The following CXorf38 variants were observed in gnomAD, a reference collection of about 807,000 sequenced individuals.
The protein encoded by CXorf38 is chromosome X open reading frame 38.
CXorf38 carries 13 observed loss-of-function variants against 27.5 expected under a neutral mutation model. That is an observed-to-expected ratio of 0.47 (90% CI 0.31 to 0.75). The LOEUF (loss-of-function observed/expected upper bound fraction) is 0.75, where lower values mean the gene tolerates loss of function less well. Among genes scored for constraint, CXorf38 ranks in the 30% least tolerant of loss-of-function variants. The pLI is 0.05. For synonymous variants in CXorf38, 100 were observed against 99.8 expected, an observed-to-expected ratio of 1.00 and a Z score of -0.01; for missense variants, 240 against 253.2, an observed-to-expected ratio of 0.95 and a Z score of 0.35.
chrX:40,645,686 G>A (rs984201531), intron 2 of CXorf38, among the ~76,000 whole-genome samples: 23 of 110,620 alleles, frequency 2.1e-4, no homozygotes, highest in Admixed American at 1.9e-3. Context: ...GTGTGATCAC[G>A]GCTCACTGCA....
chrX:40,637,635 T>C (rs1928136823), intron 3 of CXorf38, among the ~76,000 whole-genome samples: 1 of 112,347 alleles, frequency 8.9e-6, no homozygotes, highest in African/African-American at 3.2e-5. Flanking sequence ...TTCTGATTTT[T>C]CATGAGAAAC....
chrX:40,640,169 T>TAAA, intron 2 of CXorf38: 2 of 254,302 alleles, frequency 7.9e-6, no homozygotes, highest in East Asian at 1.2e-4. Flanking sequence ...CCATCTCTAT[T>TAAA]AAAAAAAAAA....
At chrX:40,639,216 G>C (rs1602424724) in intron 2 of CXorf38, 88 bp from the exon 3 acceptor site, 1 of 990,285 alleles carries the variant, frequency 1.0e-6, no homozygotes, top group East Asian at 3.1e-5. Context: ...TTTTCCAAAT[G>C]ATGACTGAAG....
rs182269011 is a variant in CXorf38, at chrX:40,641,973, C to G, written c.352-2845G>C. Among the ~76,000 whole-genome samples, 419 of 111,398 alleles carry G rather than the reference C, an allele frequency of 3.8e-3. 3 individuals are homozygous for G. Among genetic ancestry groups the G allele is most frequent in the African/African-American group, 0.013 (408 of 30,663 alleles). On this transcript the variant is annotated intron_variant, in intron 2 of 6. Coordinates refer to ENST00000327877, the MANE Select transcript of CXorf38 (RefSeq NM_144970.3). Reference sequence around the variant, plus strand: ...GGTGTGGGGTTTATTCTAAGGCCATCAGGAAGCCATCCAAGGGTTTTAGGC... The same window carrying G: ...GGTGTGGGGTTTATTCTAAGGCCATGAGGAAGCCATCCAAGGGTTTTAGGC...
Position 40,637,082 on chromosome X carries a change from C to T in CXorf38, c.546G>A (p.Gln182=). 1 of 1,204,770 alleles carries T rather than the reference C, an allele frequency of 8.3e-7. No homozygotes were observed. The highest frequency in any genetic ancestry group is 1.7e-5 in the African/African-American group (1 of 57,631). Residue 182 remains glutamine (Q), a synonymous_variant, in exon 4 of 7, where the codon CAG becomes CAA. Coordinates refer to ENST00000327877, the MANE Select transcript of CXorf38 (RefSeq NM_144970.3). Reference sequence around the variant, plus strand: ...CATTCAGAAAATTTTGGATCTTCATCTGAAAATCTCGAAGCCACGTAGAAG... The same window carrying T: ...CATTCAGAAAATTTTGGATCTTCATTTGAAAATCTCGAAGCCACGTAGAAG... The part of the protein sequence containing the change: ...KVSSTWLRDF[Q]MKIQNFLNEF...
Position 40,639,260 on chromosome X carries a change from T to G in CXorf38, c.352-132A>C, listed in dbSNP as rs1316936855. 5 of 672,780 alleles carry G rather than the reference T, an allele frequency of 7.4e-6. No individual in the cohort carries two copies. The Admixed American group carries it at 1.0e-4, about 14-fold the overall frequency. The allele number at this position is 672,780 out of a possible 1,213,427, so 55.4% of individuals were successfully genotyped here. ...TGCACTGAGGTTTCAACTTAAAGCC[T>G]CATGAGCCCAAAATGCAAGTAGGGA... On this transcript the variant is annotated intron_variant, in intron 2 of 6. Transcript: ENST00000327877.
chrX:40,632,223 C>T (rs1271188598), intron 5 of CXorf38, among the ~76,000 whole-genome samples: 1 of 111,732 alleles, frequency 8.9e-6, no homozygotes, highest in East Asian at 2.8e-4. Context: ...CACGCATGAT[C>T]ACAGATGGAC....
chrX:40,646,447 C>G (rs1928581005), intron 2 of CXorf38, among the ~76,000 whole-genome samples: 1 of 110,563 alleles, frequency 9.0e-6, no homozygotes, highest in Non-Finnish European at 1.9e-5. Context: ...CCTCTCCGTC[C>G]CTTACTGGGC....
At chrX:40,640,103 G>C in intron 2 of CXorf38, 1 of 270,255 alleles carries the variant, frequency 3.7e-6, no homozygotes, top group Non-Finnish European at 6.9e-6. Flanking sequence ...CCAGCACTTC[G>C]GGAGGCAAAA....
intron 5 of CXorf38, among the ~76,000 whole-genome samples, chrX:40,631,239 GTA>G (rs2146565284): frequency 1.5e-5 from 1 of 67,810 alleles, no homozygotes; most frequent in Admixed American, 2.0e-4. Context: ...ATATATGTGT[GTA>G]TGTATATATA....
chrX:40,641,232 G>GA (rs1407388229), intron 2 of CXorf38, among the ~76,000 whole-genome samples: 1 of 111,191 alleles, frequency 9.0e-6, no homozygotes, highest in African/African-American at 3.3e-5. Context: ...GGAAAAAAAA[G>GA]AAACTGCTGA....
At chrX:40,646,944 T>A in intron 2 of CXorf38, 63 bp downstream of exon 2, 1 of 1,151,294 alleles carries the variant, frequency 8.7e-7, no homozygotes, top group Non-Finnish European at 1.2e-6. Flanking sequence ...CAAGACCAGA[T>A]AGCCACCCCG....
intron 2 of CXorf38, among the ~76,000 whole-genome samples, chrX:40,640,732 G>T (rs922044259): frequency 1.4e-4 from 16 of 110,562 alleles, no homozygotes; most frequent in Non-Finnish European, 1.9e-5. Context: ...CTGAGGTCAG[G>T]AGTTCAAGAC....
chrX:40,641,202 G>A (rs1928305495), intron 2 of CXorf38, among the ~76,000 whole-genome samples: 1 of 111,066 alleles, frequency 9.0e-6, no homozygotes, highest in Admixed American at 9.6e-5. Context: ...GGGTGACAGT[G>A]CAAGACCCTG....
Position 40,627,740 on chromosome X carries a change from C to A in CXorf38, c.*2424G>T, listed in dbSNP as rs1474279638. On this transcript the variant is annotated 3_prime_UTR_variant, in exon 7 of 7. Transcript: ENST00000327877. ...TATATGATGCTACATTGCCTTAAAG[C>A]CCTCTCTAGGGCTTTAAAAAGTTTT... 8.9e-6 allele frequency: 1 copy of A among 111,809 alleles called. No individual in the cohort carries two copies. The highest frequency in any genetic ancestry group is 3.3e-5 in the African/African-American group (1 of 30,678). The allele number at this position is 111,809 out of a possible 1,213,427, so 9.2% of individuals were successfully genotyped here.
chrX:40,646,863 A>G, intron 2 of CXorf38, 144 bp downstream of exon 2: 2 of 662,738 alleles, frequency 3.0e-6, no homozygotes, highest in Non-Finnish European at 4.3e-6. Flanking sequence ...GGTCCCGCAT[A>G]CCACCCCTGA....
chrX:40,647,296 G>A lies in CXorf38; in HGVS notation c.216+9C>T, dbSNP rs780464362. The A allele has an allele frequency of 9.2e-6, 10 of 1,090,505 alleles. No individual in the cohort carries two copies. The African/African-American group carries it at 1.5e-4, about 17-fold the overall frequency. The allele number at this position is 1,090,505 out of a possible 1,213,427, so 89.9% of individuals were successfully genotyped here. ...GGGCGGTGGTCAAGGCCCCGAGCCA[G>A]GTGCTCACCTGGCGGGCGCGAGGGC... On this transcript the variant is annotated intron_variant, in intron 1 of 6. Transcript: ENST00000327877.
chrX:40,632,678 AGTACTAGAAAAATT>A (rs1180728022), intron 5 of CXorf38, among the ~76,000 whole-genome samples: 9 of 111,486 alleles, frequency 8.1e-5, no homozygotes, highest in African/African-American at 2.6e-4. Flanking sequence ...AAAAACTGAA[AGTACTAGAAAAATT>A]TGGAATGTAG....
intron 2 of CXorf38, among the ~76,000 whole-genome samples, chrX:40,644,866 G>C (rs891923100): frequency 9.8e-5 from 11 of 112,100 alleles, no homozygotes; most frequent in African/African-American, 3.6e-4. Flanking sequence ...CCTAGAGAGA[G>C]ATGTGGCCAG....
Sources: allele counts gnomAD v4.1 joint callset (sites outside exome capture counted in the v4.1 genomes callset), GRCh38; gene constraint gnomAD v4.1.1; transcripts MANE v1.5; gene names NCBI Gene and HGNC (gene_info 2026-07-23, HGNC 2026-07-21).